The following NRG4 variants were observed in gnomAD, a reference collection of about 807,000 sequenced individuals.
NRG4 encodes pro-neuregulin-4, membrane-bound isoform.
Under a neutral mutation model 15.0 loss-of-function variants are expected in NRG4, and 10 were observed. The observed-to-expected ratio is 0.67, with a 90% CI of 0.41 to 1.13. The LOEUF (loss-of-function observed/expected upper bound fraction) is 1.13. Ranked by LOEUF, NRG4 falls within the 50% of genes most tolerant of loss-of-function variation. The pLI, the probability that NRG4 is intolerant of heterozygous loss-of-function variation, is 0.00. For missense variants in NRG4, 139 were observed against 140.2 expected (o/e 0.99, Z 0.04); for synonymous variants, 41 against 50.1 (o/e 0.82, Z 0.77).
chr15:76,022,001 G>A (rs901332142), intron 5 of NRG4, among the ~76,000 whole-genome samples: 4 of 152,152 alleles, frequency 2.6e-5, no homozygotes, highest in African/African-American at 9.7e-5. Flanking sequence ...TCCCTCACAT[G>A]TGCAGTTCAC....
intron 5 of NRG4, among the ~76,000 whole-genome samples, chr15:76,029,769 A>G (rs2035422149): frequency 1.3e-5 from 2 of 152,246 alleles, no homozygotes; most frequent in Non-Finnish European, 2.9e-5. Context: ...GATGAAATAA[A>G]TTGAAGAGGA....
At chr15:76,013,222 A>G (rs2034872453), upstream of NRG4, among the ~76,000 whole-genome samples, 1 of 152,090 alleles carries the variant, frequency 6.6e-6, no homozygotes, top group Non-Finnish European at 1.5e-5. Context: ...TCTAAAAACA[A>G]TCTGTTCATT....
intron 3 of NRG4, chr15:75,971,134 A>G (rs1477480813): frequency 2.6e-6 from 1 of 384,686 alleles, no homozygotes; most frequent in Non-Finnish European, 5.1e-6. Context: ...TTTCATACCT[A>G]TTTGTAAATT....
rs1159459061 is a variant in NRG4 at position 75,977,193 on chromosome 15, G to T, written c.105-15219C>A. On this transcript the variant is annotated intron_variant, in intron 3 of 5. Transcript: ENST00000394907. This position sits in a 1 kb window ranked among gnomAD's most constrained non-coding sequence, Gnocchi z 4.9. ...CCCCCAACCAAGACTGAGCATCCCA[G>T]GTCGACTTCAGACTGCTGTGCTGGC... Among the ~76,000 whole-genome samples, 1 of 152,274 alleles carries T rather than the reference G, an allele frequency of 6.6e-6. No homozygotes were observed. The highest frequency in any genetic ancestry group is 1.9e-4 in the East Asian group (1 of 5,176).
intron 4 of NRG4, among the ~76,000 whole-genome samples, chr15:76,048,751 T>C (rs1382333359): frequency 6.7e-6 from 1 of 149,826 alleles, no homozygotes; most frequent in African/African-American, 2.5e-5. Context: ...CTACAATCAA[T>C]ATCCAAATAG....
rs202205741 is a variant in NRG4, at chr15:75,955,973, T to C, written c.290A>G (p.Asp97Gly). 9 of 1,612,180 alleles carry C rather than the reference T, an allele frequency of 5.6e-6. No individual in the cohort carries two copies. The Admixed American group carries it at 1.3e-4, about 24-fold the overall frequency. ...ACTGCTCGTCTCTACCAGGTTGATA[T>C]CATACTGGACTGAACTGGCTCTCTG... ...HFQRASSVQY[D>G]INLVETSSTS... is the part of the protein sequence containing the mutation. The change falls in exon 5 of 6, where the codon GAT becomes GGT. Residue 97 changes from aspartate to glycine, a missense_variant. Coordinates refer to ENST00000394907, the MANE Select transcript of NRG4 (RefSeq NM_138573.4).
chr15:75,997,198 C>A (rs879605550), intron 3 of NRG4, among the ~76,000 whole-genome samples: 1 of 151,930 alleles, frequency 6.6e-6, no homozygotes. Flanking sequence ...CGAGATAATT[C>A]ATCTAATTTT....
At chr15:76,056,383 G>C (rs1363952935) in intron 2 of NRG4, among the ~76,000 whole-genome samples, 2 of 152,076 alleles carry the variant, frequency 1.3e-5, no homozygotes, top group East Asian at 1.9e-4. Flanking sequence ...GCTTGAACCT[G>C]GGAGGCGGAG....
chr15:75,962,548 C>T (rs1477391905), intron 3 of NRG4, among the ~76,000 whole-genome samples: 6 of 152,192 alleles, frequency 3.9e-5, no homozygotes, highest in Non-Finnish European at 8.8e-5. Flanking sequence ...ATTTGAATAT[C>T]TGGTAGTTCT....
intron 5 of NRG4, among the ~76,000 whole-genome samples, chr15:75,954,976 CCTTT>C (rs2032147213): frequency 6.6e-6 from 1 of 152,030 alleles, no homozygotes; most frequent in Non-Finnish European, 1.5e-5. Context: ...CAGGCAAACA[CCTTT>C]CTATGTACTC....
intron 3 of NRG4, among the ~76,000 whole-genome samples, chr15:75,973,440 G>A (rs1327838813): frequency 6.6e-6 from 1 of 152,136 alleles, no homozygotes; most frequent in Admixed American, 6.5e-5. Context: ...TCCTTGTCTT[G>A]TGCTGGTTTT....
chr15:75,960,353 T>C (rs1381629405), intron 4 of NRG4, among the ~76,000 whole-genome samples: 1 of 152,168 alleles, frequency 6.6e-6, no homozygotes, highest in Admixed American at 6.5e-5. Flanking sequence ...AGATGGGTGT[T>C]CTGGTTATCT....
In NRG4 at chr15:75,977,129, T is replaced by C. The variant is rs1260945101; in HGVS notation, c.105-15155A>G. Among the ~76,000 whole-genome samples, 1 of 152,104 alleles carries C rather than the reference T, an allele frequency of 6.6e-6. No homozygotes were observed. The highest frequency in any genetic ancestry group is 1.5e-5 in the Non-Finnish European group (1 of 67,998). On this transcript the variant is annotated intron_variant, in intron 3 of 5. Coordinates refer to ENST00000394907, the MANE Select transcript of NRG4 (RefSeq NM_138573.4). The surrounding 1 kb of genome is among the most constrained non-coding windows in gnomAD (Gnocchi z 4.9). ...CTTCCCAGCAGTTTTGTTTACACTA[T>C]GAGGGGAAAACTGCCCACTCAAGCC...
At chr15:75,991,309 T>C (rs1483200821) in intron 3 of NRG4, among the ~76,000 whole-genome samples, 1 of 152,158 alleles carries the variant, frequency 6.6e-6, no homozygotes, top group African/African-American at 2.4e-5. Context: ...TTATAAACAC[T>C]GAAATTTGAA....
intron 5 of NRG4, among the ~76,000 whole-genome samples, chr15:76,032,447 C>G (rs1596045648): frequency 6.6e-6 from 1 of 152,050 alleles, no homozygotes; most frequent in African/African-American, 2.4e-5. Context: ...TTTTTAAAAG[C>G]TTTTGGTTTT....
intron 3 of NRG4, among the ~76,000 whole-genome samples, chr15:76,001,053 C>G (rs2141891040): frequency 6.6e-6 from 1 of 152,162 alleles, no homozygotes; most frequent in Non-Finnish European, 1.5e-5. Flanking sequence ...GTGGCATGAT[C>G]ATGTTCACTG....
At chr15:76,029,953 C>A (rs1362238977) in intron 5 of NRG4, among the ~76,000 whole-genome samples, 1 of 152,030 alleles carries the variant, frequency 6.6e-6, no homozygotes, top group African/African-American at 2.4e-5. Context: ...TAAAGCAATC[C>A]TGAGCAAAAA....
At chr15:75,960,028 T>C (rs189583917) in intron 4 of NRG4, among the ~76,000 whole-genome samples, 1 of 152,346 alleles carries the variant, frequency 6.6e-6, no homozygotes, top group Admixed American at 6.5e-5. Context: ...CTACAATAAG[T>C]GAGAAATAAT....
At chr15:76,056,013 G>A (rs1355805425) in intron 2 of NRG4, among the ~76,000 whole-genome samples, 1 of 152,146 alleles carries the variant, frequency 6.6e-6, no homozygotes, top group Non-Finnish European at 1.5e-5. Flanking sequence ...ACCTACTTAG[G>A]AGAAAACTTT....
Sources: allele counts gnomAD v4.1 joint callset (sites outside exome capture counted in the v4.1 genomes callset), GRCh38; gene constraint gnomAD v4.1.1; non-coding constraint Gnocchi (gnomAD v3.1); transcripts MANE v1.5; gene names NCBI Gene and HGNC (gene_info 2026-07-23, HGNC 2026-07-21).